Variants in AATF observed in about 807,000 individuals in gnomAD.
The protein encoded by AATF is protein AATF.
Under a neutral mutation model 63.7 loss-of-function variants are expected in AATF, and 48 were observed. That is an observed-to-expected ratio of 0.75 (90% CI 0.60 to 0.96). The LOEUF is 0.96. AATF is among the 40% of genes least tolerant of loss of function. The probability of loss-of-function intolerance (pLI) is 0.00; values close to 1 mark genes in which losing one functional copy is unlikely to be tolerated. For synonymous variants in AATF, 258 were observed against 247.7 expected, an observed-to-expected ratio of 1.04 and a Z score of -0.39; for missense variants, 639 against 685.7, an observed-to-expected ratio of 0.93 and a Z score of 0.76.
intron 4 of AATF, among the ~76,000 whole-genome samples, chr17:36,981,702 C>CTTTTTTTTTT (rs71368433): frequency 6.3e-5 from 7 of 110,478 alleles, no homozygotes; most frequent in South Asian, 2.9e-4. Flanking sequence ...TCTTTCTTTT[C>CTTTTTTTTTT]TTTTTTTTTT....
At chr17:36,967,878 T>TC (rs2071004034) in intron 4 of AATF, among the ~76,000 whole-genome samples, 1 of 145,948 alleles carries the variant, frequency 6.9e-6, no homozygotes, top group African/African-American at 2.7e-5. Context: ...TTTTTTTTTT[T>TC]CTTTTTGGAA....
intron 10 of AATF, among the ~76,000 whole-genome samples, chr17:37,030,493 A>G (rs1343102668): frequency 1.3e-5 from 2 of 152,162 alleles, no homozygotes; most frequent in Non-Finnish European, 2.9e-5. Flanking sequence ...ATGAGTAGAA[A>G]AGGATACCCC....
intron 11 of AATF, among the ~76,000 whole-genome samples, chr17:37,047,847 C>T (rs181922387): frequency 6.6e-6 from 1 of 152,280 alleles, no homozygotes; most frequent in Non-Finnish European, 1.5e-5. Flanking sequence ...GTGGCAGATT[C>T]GGGCGGCTGC....
At chr17:36,950,464 C>T in intron 2 of AATF, 59 bp downstream of exon 2, 1 of 1,497,842 alleles carries the variant, frequency 6.7e-7, no homozygotes, top group Non-Finnish European at 9.2e-7. Context: ...GGGTTAAAAT[C>T]CTCCGGTCAT....
chr17:36,952,876 T>C lies in AATF; in HGVS notation c.284-10T>C, dbSNP rs2070866449. On this transcript the variant is annotated splice_polypyrimidine_tract_variant and intron_variant, in intron 2 of 11. Coordinates refer to ENST00000619387, the MANE Select transcript of AATF (RefSeq NM_012138.4). ...CCCATTTTTCTCTTTCTTCCCTCTC[T>C]TCTTTGTAGATGAGGAAATATCTGA... 2.5e-6 allele frequency: 4 copies of C among 1,607,974 alleles called. No individual in the cohort carries two copies. The highest frequency in any genetic ancestry group is 2.2e-5 in the East Asian group (1 of 44,758).
intron 10 of AATF, among the ~76,000 whole-genome samples, chr17:37,025,168 G>A (rs75054694): frequency 0.03 from 4,623 of 152,246 alleles, 234 homozygotes; most frequent in African/African-American, 0.1. Flanking sequence ...GGTCTTGGTA[G>A]TAATCATTGA....
Position 37,020,936 on chromosome 17 carries a change from A to G in AATF, c.1469A>G (p.Gln490Arg). The G allele has an allele frequency of 6.2e-7, 1 of 1,610,814 alleles. No homozygotes were observed. The highest frequency in any genetic ancestry group is 1.1e-5 in the South Asian group (1 of 90,370). Residue 490 changes from glutamine (Q) to arginine (R), a missense_variant and splice_region_variant, in exon 10 of 12, where the codon CAG becomes CGG. Transcript: ENST00000619387. ...AACATTGCTTGTGAATTTTCCAGGCAGTGGCTTGCAATCCAGAAGTTACGA... is the reference window on the plus strand; with the variant it reads ...AACATTGCTTGTGAATTTTCCAGGCGGTGGCTTGCAATCCAGAAGTTACGA... ...DPNDQVAMGR[Q>R]WLAIQKLRSK... is the part of the protein sequence containing the mutation.
chr17:36,995,415 T>C (rs1004063765), intron 8 of AATF, among the ~76,000 whole-genome samples: 3 of 152,180 alleles, frequency 2.0e-5, no homozygotes, highest in Admixed American at 1.3e-4. Context: ...ACAGTTTAAT[T>C]AAATTGGTGA....
intron 8 of AATF, among the ~76,000 whole-genome samples, chr17:36,999,682 G>C (rs1397391860): frequency 6.6e-6 from 1 of 151,914 alleles, no homozygotes; most frequent in African/African-American, 2.4e-5. Flanking sequence ...TATGGTGAAA[G>C]CAAGCCCTAG....
chr17:36,977,453 C>T (rs1447742309), intron 4 of AATF, among the ~76,000 whole-genome samples: 4 of 151,826 alleles, frequency 2.6e-5, no homozygotes. Flanking sequence ...TGCTTAGAGA[C>T]AGTTTCACCA....
At chr17:36,990,071 CTA>C (rs950464452) in intron 7 of AATF, among the ~76,000 whole-genome samples, 22 of 126,462 alleles carry the variant, frequency 1.7e-4, no homozygotes, top group Admixed American at 3.0e-4. Context: ...ATTTGTGTAA[CTA>C]TATATGTGTG....
intron 4 of AATF, among the ~76,000 whole-genome samples, chr17:36,960,231 C>A (rs2070936138): frequency 6.6e-6 from 1 of 152,160 alleles, no homozygotes; most frequent in Non-Finnish European, 1.5e-5. Flanking sequence ...CCAGGCCGGT[C>A]TTGAACTCCT....
At chr17:37,004,511 A>T (rs571020766) in intron 8 of AATF, among the ~76,000 whole-genome samples, 1 of 152,054 alleles carries the variant, frequency 6.6e-6, no homozygotes, top group Non-Finnish European at 1.5e-5. Flanking sequence ...GTAAAAATGG[A>T]TGTTGCAGGA....
chr17:36,992,409 C>A (rs997437465), intron 8 of AATF, among the ~76,000 whole-genome samples: 1 of 152,076 alleles, frequency 6.6e-6, no homozygotes, highest in Non-Finnish European at 1.5e-5. Context: ...CTATTTTGTT[C>A]TAGAGTGTCT....
chr17:37,032,338 A>T (rs1214889802), intron 11 of AATF, among the ~76,000 whole-genome samples: 2 of 152,170 alleles, frequency 1.3e-5, no homozygotes, highest in Non-Finnish European at 1.5e-5. Context: ...TTATTTTGAT[A>T]TTAAAATTGT....
At chr17:37,006,765 G>C (rs538463734) in intron 8 of AATF, among the ~76,000 whole-genome samples, 16 of 152,278 alleles carry the variant, frequency 1.1e-4, no homozygotes, top group African/African-American at 3.8e-4. Context: ...GAAATATTAT[G>C]GCCTTTGAAG....
At chr17:37,042,763 AC>A (rs1408171164) in intron 11 of AATF, among the ~76,000 whole-genome samples, 1 of 137,582 alleles carries the variant, frequency 7.3e-6, no homozygotes, top group Non-Finnish European at 1.5e-5. Context: ...TCTTTTTGAG[AC>A]GGAGTCTTGC....
Position 36,952,737 on chromosome 17 carries a change from G to A in AATF, c.284-149G>A, listed in dbSNP as rs942363548. On this transcript the variant is annotated intron_variant, in intron 2 of 11. Transcript: ENST00000619387. ...CTTCTCCCTTAGCATTTTGGAGATT[G>A]TAGATGTGTAATAAATATATTGTTG... The A allele has an allele frequency of 2.8e-6, 4 of 1,410,078 alleles. No homozygotes were observed. The African/African-American group carries it at 4.3e-5, about 15-fold the overall frequency. 87.3% of individuals were successfully genotyped at this position (1,410,078 alleles called of 1,614,324 possible). A position where few individuals can be genotyped will look rare whatever the true frequency, so the allele number is the denominator to read the frequency against.
At chr17:36,954,123 A>G (rs1260373434) in intron 4 of AATF, among the ~76,000 whole-genome samples, 1 of 144,550 alleles carries the variant, frequency 6.9e-6, no homozygotes. Context: ...TCTCAAGTAC[A>G]GTGGCGCGAT....
Sources: allele counts gnomAD v4.1 joint callset (sites outside exome capture counted in the v4.1 genomes callset), GRCh38; gene constraint gnomAD v4.1.1; transcripts MANE v1.5; gene names NCBI Gene and HGNC (gene_info 2026-07-23, HGNC 2026-07-21).